FMN1: variants seen among roughly 807,000 people sequenced by gnomAD.
FMN1 encodes formin-1.
Under a neutral mutation model 132.4 loss-of-function variants are expected in FMN1, and 110 were observed. The observed-to-expected ratio is 0.83, with a 90% CI of 0.71 to 0.97. The LOEUF is 0.97. FMN1 is among the 50% of genes least tolerant of loss of function. The pLI, the probability that FMN1 is intolerant of heterozygous loss-of-function variation, is 0.00. For synonymous variants in FMN1, 722 were observed against 651.7 expected (o/e 1.11, Z -1.64); for missense variants, 1,792 against 1,705.3 (o/e 1.05, Z -0.90).
At chr15:33,045,682 G>A (rs1380686505) in intron 6 of FMN1, among the ~76,000 whole-genome samples, 2 of 152,180 alleles carry the variant, frequency 1.3e-5, no homozygotes, top group African/African-American at 4.8e-5. Context: ...TCCAGTTAGA[G>A]GCCCTGTACA....
At chr15:33,139,980 A>T (rs2468746) in intron 4 of FMN1, among the ~76,000 whole-genome samples, 57,232 of 151,990 alleles carry the variant, frequency 0.38, 11,233 homozygotes, top group East Asian at 0.66. Context: ...ATGTTTCCAA[A>T]AATTTAAATT....
At chr15:33,049,583 T>C (rs1005072052) in intron 6 of FMN1, among the ~76,000 whole-genome samples, 3 of 152,214 alleles carry the variant, frequency 2.0e-5, no homozygotes, top group African/African-American at 7.2e-5. Context: ...AAGAGGGGAA[T>C]TGTTAAATCA....
intron 17 of FMN1, among the ~76,000 whole-genome samples, chr15:32,821,618 A>G (rs886971611): frequency 9.2e-5 from 14 of 151,554 alleles, no homozygotes; most frequent in African/African-American, 3.4e-4. Context: ...TGCCCAGCTA[A>G]TTTTTGTATT....
intron 6 of FMN1, among the ~76,000 whole-genome samples, chr15:33,018,566 A>G (rs529070372): frequency 6.6e-6 from 1 of 152,282 alleles, no homozygotes; most frequent in Admixed American, 6.5e-5. Context: ...TGCGCCCAAG[A>G]AGAAATGTAA....
chr15:32,795,749 G>A (rs1335590607), intron 19 of FMN1, among the ~76,000 whole-genome samples: 1 of 152,174 alleles, frequency 6.6e-6, no homozygotes, highest in Non-Finnish European at 1.5e-5. Context: ...GGGGCAGCAC[G>A]ATGACTGAGT....
intron 9 of FMN1, among the ~76,000 whole-genome samples, chr15:32,930,411 GTTTT>G (rs60873457): frequency 6.2e-4 from 89 of 144,508 alleles, no homozygotes; most frequent in African/African-American, 2.2e-3. Flanking sequence ...GTATTTTTCA[GTTTT>G]TTTTTTTTTG....
intron 12 of FMN1, among the ~76,000 whole-genome samples, chr15:32,904,907 A>C (rs941019729): frequency 2.0e-5 from 3 of 152,146 alleles, no homozygotes; most frequent in African/African-American, 7.2e-5. Context: ...TACCCACAAG[A>C]GCAAACACAG....
In FMN1 at chr15:32,967,020, C is replaced by A. The variant is rs936789477; in HGVS notation, c.2987+1694G>T. ...TCTTAACACATCATAGAGGGGCAGC[C>A]CCCCGTGTTATGTTTCAGGTTCAAA... On this transcript the variant is annotated intron_variant, in intron 8 of 20. Transcript: ENST00000616417. 3.3e-5 allele frequency among the ~76,000 whole-genome samples: 5 copies of A among 152,164 alleles called. 1 individual carries two copies. The highest frequency in any genetic ancestry group is 2.6e-4 in the Admixed American group (4 of 15,266).
chr15:33,075,996 C>A (rs1229510044), intron 5 of FMN1, among the ~76,000 whole-genome samples: 1 of 152,148 alleles, frequency 6.6e-6, no homozygotes, highest in Non-Finnish European at 1.5e-5. Context: ...ATTTCTAAGA[C>A]TGGGTTGTTC....
At chr15:33,122,421 G>A (rs1368329633) in intron 4 of FMN1, among the ~76,000 whole-genome samples, 1 of 152,216 alleles carries the variant, frequency 6.6e-6, no homozygotes, top group Non-Finnish European at 1.5e-5. Context: ...GTAGGTCAGA[G>A]TAGGTTTTAT....
intron 4 of FMN1, among the ~76,000 whole-genome samples, chr15:33,110,115 G>A (rs949417221): frequency 2.0e-5 from 3 of 151,994 alleles, no homozygotes; most frequent in Non-Finnish European, 2.9e-5. Context: ...TCATACTTTT[G>A]ACAATATAAC....
intron 17 of FMN1, among the ~76,000 whole-genome samples, chr15:32,814,786 T>C (rs1180133150): frequency 6.6e-6 from 1 of 152,204 alleles, no homozygotes. Flanking sequence ...CTTTCAAACT[T>C]TGTATTCAAA....
At chr15:32,999,954 G>C (rs1028494465) in intron 7 of FMN1, among the ~76,000 whole-genome samples, 2 of 152,122 alleles carry the variant, frequency 1.3e-5, no homozygotes, top group African/African-American at 4.8e-5. Context: ...TAAAGATTTG[G>C]GTATCCTACA....
At chr15:33,126,217 CAGAG>C (rs59961171) in intron 4 of FMN1, among the ~76,000 whole-genome samples, 18 of 152,194 alleles carry the variant, frequency 1.2e-4, no homozygotes, top group African/African-American at 3.4e-4. Flanking sequence ...CACCTAAAGA[CAGAG>C]AGTTTTCCTA....
chr15:32,862,583 C>G (rs1203909416), intron 16 of FMN1, among the ~76,000 whole-genome samples: 1 of 152,132 alleles, frequency 6.6e-6, no homozygotes, highest in Non-Finnish European at 1.5e-5. Context: ...TCAGAATTAT[C>G]TGTTTTTTGT....
In FMN1 at chr15:32,773,360, G is replaced by C. The variant is rs1466141483; in HGVS notation, c.*950C>G. On this transcript the variant is annotated 3_prime_UTR_variant, in exon 21 of 21. Coordinates refer to ENST00000616417, the MANE Select transcript of FMN1 (RefSeq NM_001277313.2). ...CTCCTGTCTGGAAACTGCCTCCTGG[G>C]GATGGGGGTCGTCCAGCTGCACAGT... The C allele has an allele frequency of 6.6e-6, 1 of 152,228 alleles. No individual in the cohort carries two copies. The highest frequency in any genetic ancestry group is 1.5e-5 in the Non-Finnish European group (1 of 68,086). The allele number at this position is 152,228 out of a possible 1,614,324, so 9.4% of individuals were successfully genotyped here.
chr15:33,129,806 T>G (rs540067192), intron 4 of FMN1, among the ~76,000 whole-genome samples: 1 of 151,278 alleles, frequency 6.6e-6, no homozygotes, highest in East Asian at 1.9e-4. Context: ...TTTTTTTTTT[T>G]TTTTGAGACA....
At chr15:32,882,113 A>G (rs1305531798) in intron 16 of FMN1, among the ~76,000 whole-genome samples, 2 of 152,182 alleles carry the variant, frequency 1.3e-5, no homozygotes, top group Admixed American at 6.5e-5. Context: ...GTATGTAGAG[A>G]CAAGAGAAAG....
chr15:32,929,780 T>G (rs1264159403), intron 9 of FMN1, among the ~76,000 whole-genome samples: 1 of 149,130 alleles, frequency 6.7e-6, no homozygotes, highest in Non-Finnish European at 1.5e-5. Flanking sequence ...TTTTTTTTTG[T>G]GGTCAAGTAA....
Sources: gnomAD v4.1 joint callset for allele counts (sites outside exome capture counted in the v4.1 genomes callset) on GRCh38, gnomAD v4.1.1 for gene constraint, MANE v1.5 for transcripts, NCBI Gene and HGNC (gene_info 2026-07-23, HGNC 2026-07-21) for gene names.